The following KCNMA1 variants were observed in gnomAD, a reference collection of about 807,000 sequenced individuals.
KCNMA1 encodes Calcium-activated potassium channel subunit alpha-1.
In KCNMA1, 29 loss-of-function variants were observed where a neutral mutation model predicts 140.0. The ratio of observed to expected loss-of-function variants is 0.21; its 90% confidence interval spans 0.15 to 0.28. KCNMA1 has a LOEUF of 0.28. Ranked by LOEUF, KCNMA1 falls within the 10% of genes least tolerant of loss-of-function variation. The probability of loss-of-function intolerance (pLI) is 1.00; values close to 1 mark genes in which losing one functional copy is unlikely to be tolerated. For missense variants in KCNMA1, 880 were observed against 1,602.2 expected (o/e 0.55, Z 7.70); for synonymous variants, 612 against 611.9 (o/e 1.00, Z 0.00).
chr10:77,402,902 G>C (rs1228488050), intron 2 of KCNMA1, among the ~76,000 whole-genome samples: 1 of 152,174 alleles, frequency 6.6e-6, no homozygotes, highest in Non-Finnish European at 1.5e-5. Context: ...ATCACAATGA[G>C]AAATCACTCC....
At chr10:76,927,539 A>G (rs1443504069) in intron 23 of KCNMA1, among the ~76,000 whole-genome samples, 1 of 152,232 alleles carries the variant, frequency 6.6e-6, no homozygotes, top group Non-Finnish European at 1.5e-5. Context: ...TTAAAGAAAG[A>G]CAATGGATAT....
intron 22 of KCNMA1, among the ~76,000 whole-genome samples, chr10:76,948,153 C>T (rs1185683162): frequency 2.0e-5 from 3 of 152,042 alleles, no homozygotes; most frequent in Non-Finnish European, 4.4e-5. Flanking sequence ...TACAAGCACA[C>T]GCCACCACAT....
intron 1 of KCNMA1, among the ~76,000 whole-genome samples, chr10:77,452,236 G>C (rs750388913): frequency 6.6e-6 from 1 of 152,174 alleles, no homozygotes; most frequent in African/African-American, 2.4e-5. Flanking sequence ...TCCTGGTCAT[G>C]TCCCATACCT....
intron 1 of KCNMA1, among the ~76,000 whole-genome samples, chr10:77,546,532 C>T (rs973171106): frequency 4.6e-5 from 7 of 152,216 alleles, no homozygotes; most frequent in African/African-American, 1.7e-4. Context: ...CTATCCATGT[C>T]CCAGGCCACT....
Position 77,214,571 on chromosome 10 carries a change from A to G in KCNMA1, c.603-29655T>C, listed in dbSNP as rs186274248. ...CTTGCTCAACTGTCCTCCATAGCCA[A>G]CCACATTTCCAGAGACTACTGCAGG... On this transcript the variant is annotated intron_variant, in intron 3 of 27. Transcript: ENST00000286628. 1.8e-3 allele frequency among the ~76,000 whole-genome samples: 277 copies of G among 152,260 alleles called. 2 individuals carry two copies. Among genetic ancestry groups the G allele is most frequent in the African/African-American group, 6.5e-3 (271 of 41,538 alleles).
intron 6 of KCNMA1, among the ~76,000 whole-genome samples, chr10:77,116,963 C>T (rs1021482894): frequency 6.6e-6 from 1 of 152,206 alleles, no homozygotes; most frequent in Non-Finnish European, 1.5e-5. Context: ...TGGCCTCTCC[C>T]TGCACATCTC....
chr10:77,423,175 AGG>A (rs928935591), intron 1 of KCNMA1, among the ~76,000 whole-genome samples: 24 of 152,224 alleles, frequency 1.6e-4, no homozygotes, highest in African/African-American at 5.3e-4. Flanking sequence ...TCCATGCCTT[AGG>A]GCTGGATTTG....
chr10:77,123,717 T>C (rs2097676669), intron 5 of KCNMA1, among the ~76,000 whole-genome samples: 1 of 152,146 alleles, frequency 6.6e-6, no homozygotes, highest in Non-Finnish European at 1.5e-5. Context: ...CGGTAAAATT[T>C]AACTTATAAA....
intron 25 of KCNMA1, among the ~76,000 whole-genome samples, chr10:76,895,711 C>T (rs1281486103): frequency 1.3e-5 from 2 of 152,258 alleles, no homozygotes; most frequent in South Asian, 2.1e-4. Context: ...AATGTACATT[C>T]GTTTCTATTT....
chr10:77,162,457 T>C (rs2098570035), intron 5 of KCNMA1, among the ~76,000 whole-genome samples: 3 of 152,190 alleles, frequency 2.0e-5, no homozygotes, highest in Admixed American at 2.0e-4. Flanking sequence ...GGTTCTAATC[T>C]CACCTTATTT....
intron 19 of KCNMA1, among the ~76,000 whole-genome samples, chr10:76,980,988 G>A (rs1217554361): frequency 6.6e-6 from 1 of 152,174 alleles, no homozygotes. Context: ...GTTGTTGTGA[G>A]AATTGACTGA....
intron 3 of KCNMA1, among the ~76,000 whole-genome samples, chr10:77,219,855 A>G (rs2049010613): frequency 6.6e-6 from 1 of 152,152 alleles, no homozygotes. Flanking sequence ...CTCATCACTA[A>G]CATGGTAACT....
At chr10:77,184,170 C>T (rs761866585) in intron 4 of KCNMA1, among the ~76,000 whole-genome samples, 1 of 152,088 alleles carries the variant, frequency 6.6e-6, no homozygotes, top group Non-Finnish European at 1.5e-5. Context: ...TAAGTGAACA[C>T]TGCTAAACGT....
At chr10:77,293,983 C>T (rs754377610) in intron 2 of KCNMA1, among the ~76,000 whole-genome samples, 2 of 152,224 alleles carry the variant, frequency 1.3e-5, no homozygotes, top group African/African-American at 2.4e-5. Flanking sequence ...TGGCCCCAGC[C>T]GGTGTGGCTG....
At chr10:77,460,488 T>C (rs1199534165) in intron 1 of KCNMA1, among the ~76,000 whole-genome samples, 4 of 152,038 alleles carry the variant, frequency 2.6e-5, no homozygotes, top group African/African-American at 9.7e-5. Context: ...AACCTAAGTG[T>C]CCATCAATGG....
chr10:77,102,834 G>A (rs1194325350), intron 9 of KCNMA1, among the ~76,000 whole-genome samples: 1 of 152,148 alleles, frequency 6.6e-6, no homozygotes, highest in Non-Finnish European at 1.5e-5. Context: ...TTAAAAATGT[G>A]TAATTGGCAT....
At chr10:77,629,911 C>G (rs1459209274) in intron 1 of KCNMA1, among the ~76,000 whole-genome samples, 1 of 152,222 alleles carries the variant, frequency 6.6e-6, no homozygotes, top group Non-Finnish European at 1.5e-5. Flanking sequence ...GTGCTCCCCT[C>G]TGATGATGAA....
At chr10:76,932,569 T>G (rs1019018663) in intron 23 of KCNMA1, among the ~76,000 whole-genome samples, 6 of 152,210 alleles carry the variant, frequency 3.9e-5, no homozygotes, top group Non-Finnish European at 8.8e-5. Flanking sequence ...ATTATGTCTT[T>G]GTATTCATAC....
At chr10:76,932,367 G>A (rs12774512) in intron 23 of KCNMA1, among the ~76,000 whole-genome samples, 8,963 of 152,166 alleles carry the variant, frequency 0.059, 510 homozygotes, top group African/African-American at 0.14. Context: ...CATTTGATAA[G>A]CCAGGTGCAT....
Sources: allele counts gnomAD v4.1 joint callset (sites outside exome capture counted in the v4.1 genomes callset), GRCh38; gene constraint gnomAD v4.1.1; transcripts MANE v1.5; gene names NCBI Gene and HGNC (gene_info 2026-07-23, HGNC 2026-07-21).